MAD1L1: variants seen among roughly 807,000 people sequenced by gnomAD.
MAD1L1 encodes mitotic spindle assembly checkpoint protein MAD1.
A neutral mutation model predicts 96.9 loss-of-function variants in MAD1L1; 95 were observed. The observed-to-expected ratio is 0.98, with a 90% CI of 0.83 to 1.16. MAD1L1 has a LOEUF of 1.16. MAD1L1 is among the 50% of genes most tolerant of loss of function. The pLI is 0.00. For synonymous variants in MAD1L1, 473 were observed against 396.6 expected, an observed-to-expected ratio of 1.19 and a Z score of -2.29; for missense variants, 1,007 against 954.4, an observed-to-expected ratio of 1.06 and a Z score of -0.73.
At chr7:1,885,915 C>A (rs561565704) in intron 18 of MAD1L1, among the ~76,000 whole-genome samples, 159 of 152,390 alleles carry the variant, frequency 1.0e-3, no homozygotes, top group African/African-American at 3.7e-3. Context: ...CCCGGCATCT[C>A]TGGCCCCAGC....
At chr7:1,868,031 G>A (rs763803532) in intron 18 of MAD1L1, among the ~76,000 whole-genome samples, 39 of 152,104 alleles carry the variant, frequency 2.6e-4, no homozygotes, top group Non-Finnish European at 4.9e-4. Context: ...ACATGGCGCT[G>A]AGCAGACGCC....
intron 18 of MAD1L1, among the ~76,000 whole-genome samples, chr7:1,824,641 C>A (rs933228008): frequency 8.5e-5 from 13 of 152,304 alleles, no homozygotes; most frequent in African/African-American, 3.1e-4. Flanking sequence ...CCCACCAGGA[C>A]CCGCGGGAGA....
intron 16 of MAD1L1, among the ~76,000 whole-genome samples, chr7:1,938,626 C>A (rs1778738397): frequency 6.6e-6 from 1 of 151,390 alleles, no homozygotes; most frequent in South Asian, 2.1e-4. Flanking sequence ...TGTCAGACAA[C>A]CCACTCTAAA....
At chr7:1,861,445 CT>C (rs571555956) in intron 18 of MAD1L1, among the ~76,000 whole-genome samples, 402 of 145,112 alleles carry the variant, frequency 2.8e-3, no homozygotes, top group Admixed American at 0.015. Context: ...CGCCTGCCCC[CT>C]GGTTGGAGGG....
intron 10 of MAD1L1, among the ~76,000 whole-genome samples, chr7:2,162,350 G>A (rs927046369): frequency 3.9e-5 from 6 of 152,098 alleles, no homozygotes; most frequent in African/African-American, 7.2e-5. Flanking sequence ...GATTAAGGGC[G>A]GTGCAGGATG....
In MAD1L1 at chr7:1,996,559, C is replaced by T. The variant is rs375130255; in HGVS notation, c.1416+5506G>A. On this transcript the variant is annotated intron_variant, in intron 14 of 18. Coordinates refer to ENST00000265854, the MANE Select transcript of MAD1L1 (RefSeq NM_001013836.2). ...TCAGAATCTGTCTGTAAAGCACCTG[C>T]CGCTAGGCCCGACTCAGAGTGGGCC... Among the ~76,000 whole-genome samples, 663 of 152,332 alleles carry T rather than the reference C, an allele frequency of 4.4e-3. 5 individuals carry two copies. The highest frequency in any genetic ancestry group is 0.015 in the African/African-American group (618 of 41,578).
intron 16 of MAD1L1, among the ~76,000 whole-genome samples, chr7:1,946,802 G>A (rs886913176): frequency 6.6e-6 from 1 of 152,248 alleles, no homozygotes; most frequent in Admixed American, 6.5e-5. Flanking sequence ...TCTTGGAGGG[G>A]TCTGCACAGG....
At chr7:1,835,973 A>C (rs944655869) in intron 18 of MAD1L1, among the ~76,000 whole-genome samples, 51 of 152,262 alleles carry the variant, frequency 3.3e-4, no homozygotes, top group African/African-American at 1.1e-3. Context: ...TCATATGCTA[A>C]TGCATTATAA....
At chr7:1,956,664 C>G in intron 16 of MAD1L1, among the ~76,000 whole-genome samples, 1 of 152,358 alleles carries the variant, frequency 6.6e-6, no homozygotes, top group East Asian at 1.9e-4. Flanking sequence ...ATGCCAACCC[C>G]ACGGTACCTG....
In MAD1L1 at chr7:2,067,630, G is replaced by A. The variant is rs186997808; in HGVS notation, c.1218+1564C>T. 5.3e-3 allele frequency among the ~76,000 whole-genome samples: 768 copies of A among 145,468 alleles called. 4 individuals are homozygous for A. Among genetic ancestry groups the A allele is most frequent in the Non-Finnish European group, 8.3e-3 (565 of 68,012 alleles). On this transcript the variant is annotated intron_variant, in intron 12 of 18. Transcript: ENST00000265854. Reference sequence around the variant, plus strand: ...CCCGCAGTGGTCAGCCCGAACCACCGCAGTGGTCAGCCCGCGTGCTGTGGC... The same window carrying A: ...CCCGCAGTGGTCAGCCCGAACCACCACAGTGGTCAGCCCGCGTGCTGTGGC...
At chr7:1,920,677 CTACTT>C (rs1307008223) in intron 17 of MAD1L1, among the ~76,000 whole-genome samples, 1 of 152,162 alleles carries the variant, frequency 6.6e-6, no homozygotes, top group Non-Finnish European at 1.5e-5. Flanking sequence ...CATGTGCTGT[CTACTT>C]TAAAACAGTG....
rs984729688 is a variant in MAD1L1, at chr7:2,225,347, CCGTG to C, written c.291+59_291+62del. 10 of 1,584,540 alleles carry C rather than the reference CCGTG, an allele frequency of 6.3e-6. No individual in the cohort carries two copies. In the Admixed American group the frequency reaches 6.7e-5, roughly 11 times the overall value. The stretch of plus-strand genomic sequence containing the variant: ...GTGATTTCTTATAACCTGGCAGGTA[CCGTG>C]CACAGCCCCCTTGCTTCCTGGGGCT... On this transcript the variant is annotated intron_variant, in intron 4 of 18. Coordinates refer to ENST00000265854, the MANE Select transcript of MAD1L1 (RefSeq NM_001013836.2).
chr7:1,996,463 C>T (rs1194079005), intron 14 of MAD1L1, among the ~76,000 whole-genome samples: 4 of 152,214 alleles, frequency 2.6e-5, no homozygotes, highest in Admixed American at 6.5e-5. Flanking sequence ...GGCTCCTGCA[C>T]AGGAGACCCC....
intron 17 of MAD1L1, among the ~76,000 whole-genome samples, chr7:1,913,784 G>A (rs554319804): frequency 2.6e-5 from 4 of 152,226 alleles, no homozygotes; most frequent in Non-Finnish European, 4.4e-5. Context: ...CAGGCCGTCC[G>A]GATTCCGTGG....
At chr7:2,061,349 T>TA (rs1784651404) in intron 12 of MAD1L1, among the ~76,000 whole-genome samples, 1 of 146,728 alleles carries the variant, frequency 6.8e-6, no homozygotes, top group African/African-American at 2.4e-5. Context: ...AAAATAATAA[T>TA]AAAATTAAAA....
At chr7:1,964,006 C>G (rs1215497911) in intron 15 of MAD1L1, among the ~76,000 whole-genome samples, 5 of 152,220 alleles carry the variant, frequency 3.3e-5, no homozygotes, top group African/African-American at 1.2e-4. Context: ...GTCTTCACAT[C>G]AATCTAGCAG....
intron 10 of MAD1L1, among the ~76,000 whole-genome samples, chr7:2,183,247 G>A (rs958428187): frequency 6.6e-6 from 1 of 151,410 alleles, no homozygotes; most frequent in Non-Finnish European, 1.5e-5. Context: ...CAGTCTTACA[G>A]TAGTAGTCAT....
At chr7:1,824,646 G>A (rs549436132) in intron 18 of MAD1L1, among the ~76,000 whole-genome samples, 4 of 152,338 alleles carry the variant, frequency 2.6e-5, no homozygotes, top group East Asian at 1.9e-4. Context: ...CAGGACCCGC[G>A]GGAGAGGAGA....
chr7:1,956,646 CACT>C, intron 16 of MAD1L1, among the ~76,000 whole-genome samples: 1 of 152,024 alleles, frequency 6.6e-6, no homozygotes, highest in African/African-American at 2.4e-5. Flanking sequence ...CACTGCCAGC[CACT>C]CCTCATGCCA....
Sources: allele counts gnomAD v4.1 joint callset (sites outside exome capture counted in the v4.1 genomes callset), GRCh38; gene constraint gnomAD v4.1.1; transcripts MANE v1.5; gene names NCBI Gene and HGNC (gene_info 2026-07-23, HGNC 2026-07-21).